Variants in ANKRD28 observed in about 807,000 individuals in gnomAD.
ANKRD28 encodes the protein serine/threonine-protein phosphatase 6 regulatory ankyrin repeat subunit A.
In ANKRD28, 44 loss-of-function variants were observed where a neutral mutation model predicts 126.5. The ratio of observed to expected loss-of-function variants is 0.35; its 90% CI spans 0.27 to 0.45. ANKRD28 has a LOEUF of 0.45. ANKRD28 is among the 20% of genes least tolerant of loss of function. The pLI is 1.00. For synonymous variants in ANKRD28, 442 were observed against 468.5 expected, an observed-to-expected ratio of 0.94 and a Z score of 0.73; for missense variants, 1,110 against 1,316.6, an observed-to-expected ratio of 0.84 and a Z score of 2.43.
At position 15,737,169 on chromosome 3, in the gene ANKRD28, G is replaced by T; in HGVS notation, c.416C>A (p.Thr139Asn). The change falls in exon 5 of 28, where the codon ACC becomes AAC. Residue 139 changes from threonine to asparagine, a missense_variant. Transcript: ENST00000683139. The stretch of plus-strand genomic sequence containing the variant: ...ATTAGCAGCAGCTATATGTAAAGGG[G>T]TTTGCCAATTTTTGTCTCGAGCATT... ...DVNARDKNWQ[T>N]PLHIAAANKA... 2 of 1,613,968 alleles carry T rather than the reference G, an allele frequency of 1.2e-6. No individual in the cohort carries two copies. The highest frequency in any genetic ancestry group is 1.7e-6 in the Non-Finnish European group (2 of 1,179,892).
upstream of ANKRD28, among the ~76,000 whole-genome samples, chr3:15,799,411 T>C (rs1475200191): frequency 6.6e-6 from 1 of 151,976 alleles, no homozygotes; most frequent in African/African-American, 2.4e-5. Context: ...TATCAATCTA[T>C]GGAAGAAGCA....
intron 1 of ANKRD28, among the ~76,000 whole-genome samples, chr3:15,842,315 T>C (rs2061439405): frequency 6.6e-6 from 1 of 151,888 alleles, no homozygotes; most frequent in East Asian, 1.9e-4. Context: ...AAGACAAAGT[T>C]TGCATGTTCT....
intron 19 of ANKRD28, 50 bp downstream of exon 19, chr3:15,686,172 T>C (rs2068101133): frequency 6.3e-7 from 1 of 1,596,714 alleles, no homozygotes; most frequent in Middle Eastern, 1.7e-4. Flanking sequence ...TGTACTCTGG[T>C]TTTCGAAATA....
chr3:15,711,445 T>G (rs2072263539), intron 11 of ANKRD28, among the ~76,000 whole-genome samples, 171 bp from the exon 12 acceptor site: 1 of 152,160 alleles, frequency 6.6e-6, no homozygotes, highest in South Asian at 2.1e-4. Context: ...GAGTATTATT[T>G]AGCAATAAAA....
At chr3:15,763,002 T>C (rs576689506) in intron 3 of ANKRD28, among the ~76,000 whole-genome samples, 5 of 152,238 alleles carry the variant, frequency 3.3e-5, no homozygotes, top group Non-Finnish European at 7.3e-5. Flanking sequence ...ATTCACACTA[T>C]CTGTAGTGTC....
At chr3:15,749,211 C>T (rs940644732) in intron 4 of ANKRD28, among the ~76,000 whole-genome samples, 5 of 148,800 alleles carry the variant, frequency 3.4e-5, no homozygotes, top group Admixed American at 6.7e-5. Flanking sequence ...CCCGGGTTCA[C>T]GCCATTCTCC....
intron 4 of ANKRD28, among the ~76,000 whole-genome samples, chr3:15,741,204 A>C (rs2455850): frequency 0.59 from 84,915 of 145,148 alleles, 26,434 homozygotes; most frequent in East Asian, 0.75. Context: ...ATCTCAAAAA[A>C]AAAAAACAAA....
chr3:15,823,093 GGGAC>G (rs2060978986), intron 1 of ANKRD28, among the ~76,000 whole-genome samples: 1 of 152,238 alleles, frequency 6.6e-6, no homozygotes, highest in African/African-American at 2.4e-5. Flanking sequence ...TTTTGCACCA[GGGAC>G]TGGTGTTGTG....
chr3:15,733,165 A>C (rs2074771844), intron 6 of ANKRD28: 1 of 152,228 alleles, frequency 6.6e-6, no homozygotes. Context: ...ACTCTGTCTC[A>C]AACAAAAACA....
intron 14 of ANKRD28, among the ~76,000 whole-genome samples, chr3:15,706,265 G>A (rs961000601): frequency 1.1e-4 from 17 of 150,806 alleles, no homozygotes; most frequent in Admixed American, 5.3e-4. Context: ...GACAGGCCCC[G>A]GTGTGTGATG....
At chr3:15,704,678 T>C (rs2071112675) in intron 14 of ANKRD28, among the ~76,000 whole-genome samples, 1 of 152,130 alleles carries the variant, frequency 6.6e-6, no homozygotes, top group Admixed American at 6.5e-5. Context: ...TACAATTGGG[T>C]ACAATTGTAC....
intron 2 of ANKRD28, among the ~76,000 whole-genome samples, chr3:15,767,682 A>G (rs2345735): frequency 0.72 from 93,787 of 130,410 alleles, 33,743 homozygotes; most frequent in East Asian, 0.91. Flanking sequence ...GGCTAACACA[A>G]TGAAACCTAG....
At chr3:15,767,325 G>A (rs993394651) in intron 2 of ANKRD28, among the ~76,000 whole-genome samples, 2 of 150,824 alleles carry the variant, frequency 1.3e-5, no homozygotes, top group East Asian at 3.8e-4. Flanking sequence ...AAACTATTCA[G>A]AAATACTCAC....
rs2060315942 is a variant in ANKRD28, at chr3:15,797,204, A to AC, written c.-684_-683insG. On this transcript the variant is annotated 5_prime_UTR_variant, in exon 1 of 28. It removes the in-frame stop codon of an upstream open reading frame in the 5' UTR. Transcript: ENST00000683139. ...AGTGTTTGGGAAAGGGGCAAAAAAC[A>AC]AAAACAAAAAAAAAAAAACCACTCT... 9.6e-6 allele frequency: 9 copies of AC among 936,652 alleles called. No individual in the cohort carries two copies. The highest frequency in any genetic ancestry group is 2.2e-5 in the African/African-American group (1 of 46,348). The allele number at this position is 936,652 out of a possible 1,614,324, so 58.0% of individuals were successfully genotyped here. A position where few individuals can be genotyped will look rare whatever the true frequency, so the allele number is the denominator to read the frequency against.
chr3:15,741,731 T>A (rs1399660694), intron 4 of ANKRD28, among the ~76,000 whole-genome samples: 1 of 104,410 alleles, frequency 9.6e-6, no homozygotes, highest in Non-Finnish European at 2.1e-5. Flanking sequence ...TTTTTTTTTT[T>A]TTTTTTAGCA....
intron 1 of ANKRD28, among the ~76,000 whole-genome samples, chr3:15,851,175 C>T (rs138088772): frequency 2.0e-5 from 3 of 152,160 alleles, no homozygotes; most frequent in East Asian, 1.9e-4. Context: ...AAAATAGACA[C>T]ACAAATGGCC....
At chr3:15,706,504 G>T (rs1390119554) in intron 14 of ANKRD28, among the ~76,000 whole-genome samples, 14 of 152,114 alleles carry the variant, frequency 9.2e-5, no homozygotes, top group South Asian at 2.1e-4. Context: ...GGACATTTGG[G>T]GTGGTTCCAA....
At chr3:15,829,303 A>C (rs1231364145) in intron 1 of ANKRD28, among the ~76,000 whole-genome samples, 2 of 152,224 alleles carry the variant, frequency 1.3e-5, no homozygotes, top group Non-Finnish European at 2.9e-5. Context: ...GGAATCTCAC[A>C]GCTGCTTTTG....
intron 2 of ANKRD28, among the ~76,000 whole-genome samples, chr3:15,786,845 C>T (rs115501461): frequency 1.9e-3 from 288 of 152,114 alleles, no homozygotes; most frequent in African/African-American, 6.5e-3. Flanking sequence ...TTACCGTCCA[C>T]CAATTCATAT....
Sources: allele counts gnomAD v4.1 joint callset (sites outside exome capture counted in the v4.1 genomes callset), GRCh38; gene constraint gnomAD v4.1.1; transcripts MANE v1.5; gene names NCBI Gene and HGNC (gene_info 2026-07-23, HGNC 2026-07-21).